Variants in CHRD observed in about 807,000 individuals in gnomAD.
CHRD encodes chordin.
A neutral mutation model predicts 113.7 loss-of-function variants in CHRD; 69 were observed. The observed-to-expected ratio is 0.61, with a 90% CI of 0.50 to 0.74. The LOEUF (loss-of-function observed/expected upper bound fraction) is 0.74. Ranked by LOEUF, CHRD falls within the 30% of genes least tolerant of loss-of-function variation. The pLI, the probability that CHRD is intolerant of heterozygous loss-of-function variation, is 0.00. For synonymous variants in CHRD, 561 were observed against 540.8 expected (o/e 1.04, Z -0.52); for missense variants, 1,194 against 1,295.8 (o/e 0.92, Z 1.21).
rs374861567 is a variant in CHRD, at chr3:184,383,107, C to T, written c.1157C>T (p.Ala386Val). 4.0e-5 allele frequency: 64 copies of T among 1,610,876 alleles called. No individual in the cohort carries two copies. The African/African-American group carries it at 6.8e-4, about 17-fold the overall frequency. ...GAGCTGCAGATGGCCCTGGAGTGGG[C>T]AGGCAGGCCAGGGCTGCGCATCAGT... Residue 386 changes from alanine (A) to valine (V), a missense_variant, in exon 10 of 23, where the codon GCA (alanine) becomes GTA (valine). By Grantham distance (64) the Ala-to-Val change is moderately conservative. Coordinates refer to ENST00000204604, the Ensembl canonical transcript of CHRD.
In CHRD at chr3:184,388,484, C is replaced by G. The variant is rs1376959138; in HGVS notation, c.2555-103C>G. 1.5e-6 allele frequency: 2 copies of G among 1,341,474 alleles called. No individual in the cohort carries two copies. Among genetic ancestry groups the G allele is most frequent in the Non-Finnish European group, 2.0e-6 (2 of 985,984 alleles). 83.1% of individuals were successfully genotyped at this position (1,341,474 alleles called of 1,614,324 possible). A position where few individuals can be genotyped will look rare whatever the true frequency, so the allele number is the denominator to read the frequency against. ...CCACCCACCCATCCAAATTTATCAC[C>G]TACTAAGTGCCAGAAACTGCAACGT... is the stretch of plus-strand genomic sequence containing the variant. On this transcript the variant is annotated intron_variant, in intron 20 of 22. Transcript: ENST00000204604. This position sits in a 1 kb window ranked among gnomAD's most constrained non-coding sequence, Gnocchi z 6.1.
In CHRD at chr3:184,387,222, C is replaced by T. The variant is rs1262700584; in HGVS notation, c.2347+115C>T. ...GGGGTGGCCTGAGGGGCACAGATTC[C>T]AAGTGATGCCTGACAGGACTCATTA... On this transcript the variant is annotated intron_variant, in intron 18 of 22. Transcript: ENST00000204604. This position sits in a 1 kb window ranked among gnomAD's most constrained non-coding sequence, Gnocchi z 6.1. 9 of 1,281,006 alleles carry T rather than the reference C, an allele frequency of 7.0e-6. No homozygotes were observed. The African/African-American group carries it at 8.8e-5, about 13-fold the overall frequency. The allele number at this position is 1,281,006 out of a possible 1,614,324, so 79.4% of individuals were successfully genotyped here. A position where few individuals can be genotyped will look rare whatever the true frequency, so the allele number is the denominator to read the frequency against.
At position 184,381,452 on chromosome 3, in the gene CHRD, C is replaced by G; in HGVS notation, c.383-44C>G. The G allele has an allele frequency of 2.5e-6, 4 of 1,593,116 alleles. No individual in the cohort carries two copies. Among genetic ancestry groups the G allele is most frequent in the Non-Finnish European group, 2.6e-6 (3 of 1,169,986 alleles). On this transcript the variant is annotated intron_variant, in intron 3 of 22. Coordinates refer to ENST00000204604, the Ensembl canonical transcript of CHRD. The surrounding 1 kb of genome is among the most constrained non-coding windows in gnomAD (Gnocchi z 4.7). ...TGGATGGGGCGTCGGACTGGCCTTT[C>G]CCATGGCCAGCTGAAGCCCGTGTTC...
In CHRD at chr3:184,382,405, G is replaced by A. The variant is rs1234755179; in HGVS notation, c.716G>A (p.Arg239Gln). ...CTGCTCCAGGTCTGTGGGGTGTGGC[G>A]GGCAGTGCCTCGGTTGTCTCTGCGG... is the stretch of plus-strand genomic sequence containing the variant. The change falls in exon 7 of 23, where the codon CGG becomes CAG. Residue 239 changes from arginine to glutamine, a missense_variant. Coordinates refer to ENST00000204604, the Ensembl canonical transcript of CHRD. The A allele has an allele frequency of 4.3e-6, 7 of 1,613,976 alleles. No individual in the cohort carries two copies. The highest frequency in any genetic ancestry group is 2.7e-5 in the African/African-American group (2 of 74,918).
exon 7 of CHRD, chr3:184,382,499 G>T: frequency 6.2e-7 from 1 of 1,614,024 alleles, no homozygotes; most frequent in Non-Finnish European, 8.5e-7. Context: ...AGGTCTGGGG[G>T]CCTCTCATCC....
Position 184,380,438 on chromosome 3 carries a change from G to T in CHRD, c.120G>T (p.Lys40Asn). 7.8e-7 allele frequency: 1 copy of T among 1,280,954 alleles called. No homozygotes were observed. Among genetic ancestry groups the T allele is most frequent in the Non-Finnish European group, 9.9e-7 (1 of 1,008,910 alleles). 79.3% of individuals were successfully genotyped at this position (1,280,954 alleles called of 1,614,324 possible). A position where few individuals can be genotyped will look rare whatever the true frequency, so the allele number is the denominator to read the frequency against. ...CCGTGCTGCCCATCCGTTCTGAGAA[G>T]GAGCCGCTGCCCGTTCGGGGAGCGG... The change falls in exon 1 of 23, where the codon AAG (lysine) becomes AAT (asparagine). Residue 40 changes from lysine to asparagine, a missense_variant. Lys to Asn is a moderately conservative substitution (Grantham distance 94). Coordinates refer to ENST00000204604, the Ensembl canonical transcript of CHRD. The surrounding 1 kb of genome is among the most constrained non-coding windows in gnomAD (Gnocchi z 6.3).
chr3:184,381,919 CCT>C lies in CHRD; in HGVS notation c.612-10_612-9del, dbSNP rs750678742. 4 of 1,614,040 alleles carry C rather than the reference CCT, an allele frequency of 2.5e-6. No individual in the cohort carries two copies. Among genetic ancestry groups the C allele is most frequent in the Admixed American group, 1.7e-5 (1 of 60,022 alleles). On this transcript the variant is annotated splice_polypyrimidine_tract_variant and intron_variant, in intron 5 of 22. Transcript: ENST00000204604. This position sits in a 1 kb window ranked among gnomAD's most constrained non-coding sequence, Gnocchi z 4.7. ...TTTGGCTCAGTCCGGCCTCACCCGA[CCT>C]CTCATTCCCAGGCTGGACCGCCCTA...
chr3:184,389,128 A>G, intron 22 of CHRD, 133 bp downstream of exon 22: 1 of 685,702 alleles, frequency 1.5e-6, no homozygotes, highest in Non-Finnish European at 2.5e-6. Context: ...ATTCCAATCC[A>G]CCCTCACAGC....
rs1426400463 is a variant in CHRD, at chr3:184,380,496, G to A, written c.148+30G>A. On this transcript the variant is annotated intron_variant, in intron 1 of 22. Coordinates refer to ENST00000204604, the Ensembl canonical transcript of CHRD. This position sits in a 1 kb window ranked among gnomAD's most constrained non-coding sequence, Gnocchi z 6.3. ...GTGGGCGCCCGGGGGAGGCGCGGGC[G>A]GGGAGTCGGGCTCGGGGCGAGTCAG... is the stretch of plus-strand genomic sequence containing the variant. The A allele has an allele frequency of 1.2e-5, 14 of 1,159,380 alleles. No individual in the cohort carries two copies. Among genetic ancestry groups the A allele is most frequent in the African/African-American group, 1.6e-5 (1 of 60,998 alleles). The allele number at this position is 1,159,380 out of a possible 1,614,324, so 71.8% of individuals were successfully genotyped here. A position where few individuals can be genotyped will look rare whatever the true frequency, so the allele number is the denominator to read the frequency against.
In CHRD at chr3:184,389,686, A is replaced by G. The variant is rs1015246258; in HGVS notation, c.*264A>G. ...GGAAGCCCCACCCCTTTCCTCCTGT[A>G]CATAATGTCACTGGCTTGTTGGGAT... On this transcript the variant is annotated 3_prime_UTR_variant, in exon 23 of 23. Transcript: ENST00000204604. The G allele has an allele frequency of 1.1e-5, 5 of 471,614 alleles. No individual in the cohort carries two copies. The Admixed American group carries it at 1.3e-4, about 13-fold the overall frequency. The allele number at this position is 471,614 out of a possible 1,614,324, so 29.2% of individuals were successfully genotyped here.
chr3:184,387,536 G>A lies in CHRD; in HGVS notation c.2451+59G>A, dbSNP rs1716524404. 2 of 1,457,148 alleles carry A rather than the reference G, an allele frequency of 1.4e-6. No homozygotes were observed. The highest frequency in any genetic ancestry group is 9.2e-7 in the Non-Finnish European group (1 of 1,086,180). The allele number at this position is 1,457,148 out of a possible 1,614,324, so 90.3% of individuals were successfully genotyped here. On this transcript the variant is annotated intron_variant, in intron 19 of 22. Coordinates refer to ENST00000204604, the Ensembl canonical transcript of CHRD. The surrounding 1 kb of genome is among the most constrained non-coding windows in gnomAD (Gnocchi z 6.1). ...CCAGCGGGGTCTGCAGAGATGGGGA[G>A]GGGCTGCCAGGTGAGGAAGGCCCGT... is the stretch of plus-strand genomic sequence containing the variant.
rs1451317697 is a variant in CHRD at position 184,381,342 on chromosome 3, C to T, written c.360C>T (p.His120=). Reference sequence around the variant, plus strand: ...GGCAGCCGCGCCAGCTGCCGGGACACTGCTGCCAGACCTGCCCCCAGGGTA... The same window carrying T: ...GGCAGCCGCGCCAGCTGCCGGGACATTGCTGCCAGACCTGCCCCCAGGGTA... The change falls in exon 3 of 23, where the codon CAC becomes CAT. Residue 120 remains histidine, a synonymous_variant. Coordinates refer to ENST00000204604, the Ensembl canonical transcript of CHRD. This position sits in a 1 kb window ranked among gnomAD's most constrained non-coding sequence, Gnocchi z 4.7. The T allele has an allele frequency of 2.5e-6, 4 of 1,601,260 alleles. No homozygotes were observed. In the African/African-American group the frequency reaches 5.4e-5, roughly 21 times the overall value.
At position 184,380,698 on chromosome 3, in the gene CHRD, C is replaced by T. The variant is rs757349750; in HGVS notation, c.155C>T (p.Thr52Ile). Residue 52 changes from threonine (T) to isoleucine (I), a missense_variant, in exon 2 of 23, where the codon ACC becomes ATC. Transcript: ENST00000204604. The surrounding 1 kb of genome is among the most constrained non-coding windows in gnomAD (Gnocchi z 6.3). ...GCCAAGCCCGTCCCCGCAGGCTGCACCTTCGGCGGGAAGGTCTATGCCTTG... is the reference window on the plus strand; with the variant it reads ...GCCAAGCCCGTCCCCGCAGGCTGCATCTTCGGCGGGAAGGTCTATGCCTTG... 2.5e-6 allele frequency: 4 copies of T among 1,587,232 alleles called. No homozygotes were observed. Among genetic ancestry groups the T allele is most frequent in the East Asian group, 4.7e-5 (2 of 42,618 alleles).
At chr3:184,383,083 A>T in exon 10 of CHRD, 1 of 1,609,654 alleles carries the variant, frequency 6.2e-7, no homozygotes, top group Non-Finnish European at 8.5e-7. Flanking sequence ...GTGCTGGGGG[A>T]GCTGCAGATG....
chr3:184,383,311 G>T lies in CHRD; in HGVS notation c.1214-1G>T, dbSNP rs1347725672. On this transcript the variant is annotated splice_acceptor_variant, in intron 10 of 22. Coordinates refer to ENST00000204604, the Ensembl canonical transcript of CHRD. LOFTEE classifies it high-confidence loss of function. ...GCCTCACCTGTCTTGCCCCTCCGTA[G>T]TCCTGCAAAGTGTCCTTTGTGGGGC... 1 of 1,613,076 alleles carries T rather than the reference G, an allele frequency of 6.2e-7. No homozygotes were observed. The highest frequency in any genetic ancestry group is 1.3e-5 in the African/African-American group (1 of 74,870).
In CHRD at chr3:184,388,829, G is replaced by A; in HGVS notation, c.2710-64G>A. ...CCTTCCCAGGGAGGTCCCTGAAGAA[G>A]CTGAAGGTCACTGTGTCCCAGTGCC... On this transcript the variant is annotated intron_variant, in intron 21 of 22. Transcript: ENST00000204604. This position sits in a 1 kb window ranked among gnomAD's most constrained non-coding sequence, Gnocchi z 6.1. 2.5e-6 allele frequency: 4 copies of A among 1,604,862 alleles called. No homozygotes were observed. Among genetic ancestry groups the A allele is most frequent in the Non-Finnish European group, 3.4e-6 (4 of 1,173,010 alleles).
rs3749226 is a variant in CHRD at position 184,388,251 on chromosome 3, C to T, written c.2554+218C>T. ...TCCATCCATCCGTCCATCCATCCAT[C>T]CATCCATCCATCCATCCATCCATCC... is the stretch of plus-strand genomic sequence containing the variant. On this transcript the variant is annotated intron_variant, in intron 20 of 22. Coordinates refer to ENST00000204604, the Ensembl canonical transcript of CHRD. The surrounding 1 kb of genome is among the most constrained non-coding windows in gnomAD (Gnocchi z 6.1). 7.7e-6 allele frequency among the ~76,000 whole-genome samples: 1 copy of T among 130,356 alleles called. No homozygotes were observed. Among genetic ancestry groups the T allele is most frequent in the Non-Finnish European group, 1.6e-5 (1 of 61,146 alleles). The allele number at this position is 130,356 out of a possible 152,430, so 85.5% of individuals were successfully genotyped here.
At chr3:184,386,708 C>T (rs1253356762) in exon 16 of CHRD, 5 of 1,612,374 alleles carry the variant, frequency 3.1e-6, no homozygotes, top group South Asian at 1.1e-5. Flanking sequence ...CCACGGGGCT[C>T]GCTGGGCGCC....
At position 184,381,883 on chromosome 3, in the gene CHRD, G is replaced by T. The variant is rs1296385090; in HGVS notation, c.612-50G>T. 1.2e-6 allele frequency: 2 copies of T among 1,612,562 alleles called. No individual in the cohort carries two copies. Among genetic ancestry groups the T allele is most frequent in the Non-Finnish European group, 1.7e-6 (2 of 1,179,406 alleles). On this transcript the variant is annotated intron_variant, in intron 5 of 22. Transcript: ENST00000204604. This position sits in a 1 kb window ranked among gnomAD's most constrained non-coding sequence, Gnocchi z 4.7. ...CCGGGAGGGAAACTGGGAGAGCTGG[G>T]AGGGGCTGCTTTTGGCTCAGTCCGG...
Sources: gnomAD v4.1 joint callset for allele counts (sites outside exome capture counted in the v4.1 genomes callset) on GRCh38, gnomAD v4.1.1 for gene constraint, Gnocchi (gnomAD v3.1) non-coding constraint, MANE v1.5 for transcripts, NCBI Gene and HGNC (gene_info 2026-07-23, HGNC 2026-07-21) for gene names.